The following STRBP variants were observed in gnomAD, a reference collection of about 807,000 sequenced individuals.
STRBP encodes the protein spermatid perinuclear RNA binding protein.
A neutral mutation model predicts 80.1 loss-of-function variants in STRBP; 13 were observed. That is an observed-to-expected ratio of 0.16 (90% CI 0.11 to 0.26). The LOEUF is 0.26. Among genes scored for constraint, STRBP ranks in the 10% least tolerant of loss-of-function variants. The pLI is 1.00. For synonymous variants in STRBP, 284 were observed against 291.2 expected, an observed-to-expected ratio of 0.98 and a Z score of 0.25; for missense variants, 485 against 815.2, an observed-to-expected ratio of 0.59 and a Z score of 4.93.
intron 2 of STRBP, among the ~76,000 whole-genome samples, chr9:123,223,149 A>T (rs2040126095): frequency 6.6e-6 from 1 of 152,200 alleles, no homozygotes; most frequent in South Asian, 2.1e-4. Flanking sequence ...CAACTATATG[A>T]CATTCCAGAA....
chr9:123,193,855 C>G (rs2039006652), intron 2 of STRBP, among the ~76,000 whole-genome samples: 1 of 152,126 alleles, frequency 6.6e-6, no homozygotes, highest in Non-Finnish European at 1.5e-5. Flanking sequence ...CACACCACAT[C>G]ATTAACCATG....
chr9:123,233,996 T>C (rs138875720), intron 2 of STRBP, among the ~76,000 whole-genome samples: 3,653 of 151,950 alleles, frequency 0.024, 132 homozygotes, highest in African/African-American at 0.084. Flanking sequence ...GTCAGGAGAT[T>C]GAGACCATCC....
chr9:123,139,428 T>G, intron 14 of STRBP, 101 bp downstream of exon 14: 1 of 954,392 alleles, frequency 1.0e-6, no homozygotes, highest in Non-Finnish European at 1.5e-6. Context: ...TATGTACAGG[T>G]TTGCATATGC....
chr9:123,131,392 A>C (rs2036130950), intron 17 of STRBP, among the ~76,000 whole-genome samples: 2 of 152,122 alleles, frequency 1.3e-5, no homozygotes, highest in African/African-American at 4.8e-5. Context: ...CAGTCTCTCC[A>C]CTTCTGCCAC....
chr9:123,157,301 G>A (rs1274310139), intron 11 of STRBP, among the ~76,000 whole-genome samples: 4 of 152,150 alleles, frequency 2.6e-5, no homozygotes, highest in Non-Finnish European at 5.9e-5. Context: ...AAACTGATTA[G>A]TGATAGTGAT....
At chr9:123,166,116 C>A (rs751852675) in intron 6 of STRBP, among the ~76,000 whole-genome samples, 44 of 152,132 alleles carry the variant, frequency 2.9e-4, no homozygotes, top group Non-Finnish European at 5.4e-4. Flanking sequence ...CAAAAAGACA[C>A]CTGAATTATA....
intron 1 of STRBP, among the ~76,000 whole-genome samples, chr9:123,238,695 G>GA (rs1365657843): frequency 1.3e-5 from 2 of 152,160 alleles, no homozygotes; most frequent in African/African-American, 4.8e-5. Context: ...AGCTAAAGAT[G>GA]AGAAGGGAGA....
At chr9:123,231,799 C>T (rs992435286) in intron 2 of STRBP, among the ~76,000 whole-genome samples, 9 of 152,176 alleles carry the variant, frequency 5.9e-5, no homozygotes, top group Non-Finnish European at 1.3e-4. Flanking sequence ...TTCCCTGACT[C>T]CCCATATCTT....
chr9:123,252,528 C>A (rs2040938848), intron 1 of STRBP, among the ~76,000 whole-genome samples: 1 of 152,092 alleles, frequency 6.6e-6, no homozygotes, highest in Non-Finnish European at 1.5e-5. Context: ...AATATTTGAG[C>A]CAAGCTACAA....
Position 123,147,825 on chromosome 9 carries a change from C to T in STRBP, c.1091G>A (p.Gly364Glu). ...CTTCTTGTTGGGGTCTTTATCATCC[C>T]CTAATCCATCTTCAAATGGCCTCTT... ...ALKRPFEDGL[G>E]DDKDPNKKMK... The change falls in exon 12 of 19, where the codon GGG becomes GAG. Residue 364 changes from glycine to glutamate, a missense_variant. Around this residue, in one of 3 missense-constraint regions of STRBP, gnomAD observed 377 missense variants for 616.1 expected, o/e 0.61. Transcript: ENST00000348403. 6.2e-7 allele frequency: 1 copy of T among 1,612,768 alleles called. No individual in the cohort carries two copies. The highest frequency in any genetic ancestry group is 8.5e-7 in the Non-Finnish European group (1 of 1,179,486).
chr9:123,112,422 C>T (rs951754226), intron 3 of STRBP: 3 of 167,280 alleles, frequency 1.8e-5, no homozygotes, highest in African/African-American at 4.8e-5. Context: ...TCGCAGCGGA[C>T]ACTGTGCTCC....
chr9:123,244,402 T>C (rs1448226071), intron 1 of STRBP, among the ~76,000 whole-genome samples: 1 of 152,150 alleles, frequency 6.6e-6, no homozygotes, highest in African/African-American at 2.4e-5. Context: ...ACATTTGTTG[T>C]CAAAACCCAC....
At chr9:123,199,180 C>T (rs746788194) in intron 2 of STRBP, among the ~76,000 whole-genome samples, 10 of 152,136 alleles carry the variant, frequency 6.6e-5, no homozygotes, top group Admixed American at 2.6e-4. Context: ...GTGATCTGCC[C>T]GCCTCAGCCT....
At chr9:123,176,345 A>G (rs2038217646) in intron 4 of STRBP, among the ~76,000 whole-genome samples, 1 of 152,154 alleles carries the variant, frequency 6.6e-6, no homozygotes, top group Non-Finnish European at 1.5e-5. Context: ...CTGTACTTTC[A>G]CATGTTATTC....
chr9:123,227,380 A>G (rs771977897), intron 2 of STRBP, among the ~76,000 whole-genome samples: 7 of 152,050 alleles, frequency 4.6e-5, no homozygotes, highest in Non-Finnish European at 7.4e-5. Flanking sequence ...CTGTTTGAAG[A>G]AGAGCAAGGA....
Position 123,122,954 on chromosome 9 carries a change from G to A in STRBP, c.*2643C>T, listed in dbSNP as rs190978203. The A allele has an allele frequency of 5.1e-3, 5,069 of 985,432 alleles. 14 individuals are homozygous for A. Among genetic ancestry groups the A allele is most frequent in the Non-Finnish European group, 5.7e-3 (4,717 of 829,928 alleles). The allele number at this position is 985,432 out of a possible 1,614,324, so 61.0% of individuals were successfully genotyped here. A position where few individuals can be genotyped will look rare whatever the true frequency, so the allele number is the denominator to read the frequency against. On this transcript the variant is annotated 3_prime_UTR_variant, in exon 19 of 19. Coordinates refer to ENST00000348403, the MANE Select transcript of STRBP (RefSeq NM_018387.5). ...AAGGAAAAGTTTTAAAACAGACACCGTGGCTTTGAACAAAGTATTGCTCTT... is the reference window on the plus strand; with the variant it reads ...AAGGAAAAGTTTTAAAACAGACACCATGGCTTTGAACAAAGTATTGCTCTT...
At chr9:123,112,138 A>T (rs2035577542) in intron 3 of STRBP, 1 of 166,672 alleles carries the variant, frequency 6.0e-6, no homozygotes, top group South Asian at 2.0e-4. Context: ...CTCCTGACTC[A>T]GTCCCGGAAG....
At position 123,179,109 on chromosome 9, in the gene STRBP, G is replaced by C; in HGVS notation, c.122C>G (p.Ala41Gly). ...CAACCAATCTGAGACATGTTTAAGA[G>C]CACATTCAACAGTAGATACCATATT... ...VQNMVSTVEC[A>G]LKHVSDWLDE... is the part of the protein sequence containing the mutation. The change falls in exon 4 of 19, where the codon GCT becomes GGT. Residue 41 changes from alanine (A) to glycine (G), a missense_variant. Physicochemically the swap from Ala to Gly is moderately conservative, Grantham distance 60. Transcript: ENST00000348403. 1 of 1,614,092 alleles carries C rather than the reference G, an allele frequency of 6.2e-7. No homozygotes were observed. The highest frequency in any genetic ancestry group is 1.3e-5 in the African/African-American group (1 of 75,028).
intron 16 of STRBP, among the ~76,000 whole-genome samples, chr9:123,134,101 A>C (rs1009378242): frequency 3.9e-5 from 6 of 152,224 alleles, no homozygotes; most frequent in Non-Finnish European, 8.8e-5. Context: ...AGTAAACAGG[A>C]CTGTTGAAAA....
Sources: gnomAD v4.1 joint callset for allele counts (sites outside exome capture counted in the v4.1 genomes callset) on GRCh38, gnomAD v4.1.1 for gene constraint, gnomAD v4.1.1 regional missense constraint, MANE v1.5 for transcripts, NCBI Gene and HGNC (gene_info 2026-07-23, HGNC 2026-07-21) for gene names.